Variants in SNX18 observed in about 807,000 individuals in gnomAD.
SNX18 encodes the protein sorting nexin-18.
In SNX18, 35 loss-of-function variants were observed where a neutral mutation model predicts 48.7. That is an observed-to-expected ratio of 0.72 (90% CI 0.55 to 0.95). The LOEUF is 0.95. Among genes scored for constraint, SNX18 ranks in the 40% least tolerant of loss-of-function variants. The pLI, the probability that SNX18 is intolerant of heterozygous loss-of-function variation, is 0.00. For missense variants in SNX18, 824 were observed against 871.0 expected (o/e 0.95, Z 0.68); for synonymous variants, 492 against 384.7 (o/e 1.28, Z -3.26).
At chr5:54,558,579 C>A in the SNX18 span, among the ~76,000 whole-genome samples, 1 of 152,148 alleles carries the variant, frequency 6.6e-6, no homozygotes. Context: ...CTGACTTGGG[C>A]CCTTGATGAT....
At chr5:54,562,281 T>G in the SNX18 span, among the ~76,000 whole-genome samples, 1 of 152,190 alleles carries the variant, frequency 6.6e-6, no homozygotes, top group African/African-American at 2.4e-5. Flanking sequence ...GAACCTTTTC[T>G]TAATGACGAT....
chr5:54,551,403 T>C (rs1762653792), downstream of SNX18, among the ~76,000 whole-genome samples: 1 of 152,200 alleles, frequency 6.6e-6, no homozygotes, highest in African/African-American at 2.4e-5. Context: ...CTGTGAAGCC[T>C]TCCATGAAAC....
At chr5:54,566,102 T>TG in the SNX18 span, among the ~76,000 whole-genome samples, 1 of 152,280 alleles carries the variant, frequency 6.6e-6, no homozygotes, top group African/African-American at 2.4e-5. Flanking sequence ...CAAACTCAGG[T>TG]GGTCCAATGG....
rs1761953842 is a variant in SNX18 at position 54,519,163 on chromosome 5, G to A, written c.1211G>A (p.Gly404Asp). ...AAGGCCGAGAAGGACGAGATGGTGG[G>A]CGCCAACTTCTTCCTGACCCTTAGC... Reference protein sequence around the residue: ...KRKAEKDEMVGANFFLTLSTP... With the variant: ...KRKAEKDEMVDANFFLTLSTP... Residue 404 changes from glycine (G) to aspartate (D), a missense_variant, in exon 1 of 2, where the codon GGC becomes GAC. By Grantham distance (94) the Gly-to-Asp change is moderately conservative. This residue lies in a region of SNX18 where 443 missense variants were observed against 503.6 expected (regional missense o/e 0.88). Coordinates refer to ENST00000381410, the MANE Select transcript of SNX18 (RefSeq NM_001102575.2). 6.2e-7 allele frequency: 1 copy of A among 1,613,792 alleles called. No homozygotes were observed.
the SNX18 span, among the ~76,000 whole-genome samples, chr5:54,572,733 T>TGC: frequency 4.0e-3 from 172 of 43,328 alleles, no homozygotes; most frequent in African/African-American, 0.014. Flanking sequence ...AAATTGTGTG[T>TGC]GTGTGTGTGT....
chr5:54,638,103 A>G, the SNX18 span, among the ~76,000 whole-genome samples: 2 of 152,274 alleles, frequency 1.3e-5, 1 homozygote, highest in Middle Eastern at 6.8e-3. Context: ...TTCCTTTTGG[A>G]ATTCATTCCC....
intron 1 of SNX18, among the ~76,000 whole-genome samples, chr5:54,537,146 A>G (rs1316614790): frequency 6.6e-6 from 1 of 152,246 alleles, no homozygotes; most frequent in East Asian, 1.9e-4. Context: ...CCTGGACAAC[A>G]TGGTGAAACC....
chr5:54,578,396 C>T, the SNX18 span, among the ~76,000 whole-genome samples: 8 of 152,346 alleles, frequency 5.3e-5, no homozygotes, highest in African/African-American at 9.6e-5. Flanking sequence ...TGTTTTCCCC[C>T]GTCCCCAACA....
At chr5:54,548,717 C>A (rs1396210942), downstream of SNX18, among the ~76,000 whole-genome samples, 1 of 152,158 alleles carries the variant, frequency 6.6e-6, no homozygotes, top group Non-Finnish European at 1.5e-5. Flanking sequence ...GAAGTAGATA[C>A]TTAATAAATG....
intron 1 of SNX18, among the ~76,000 whole-genome samples, chr5:54,538,146 C>T (rs1762391793): frequency 6.6e-6 from 1 of 152,182 alleles, no homozygotes; most frequent in Admixed American, 6.5e-5. Flanking sequence ...CCAGTTTGAG[C>T]AGTGTCAGAT....
At chr5:54,519,650 A>G in intron 1 of SNX18, 77 bp downstream of exon 1, 2 of 1,614,184 alleles carry the variant, frequency 1.2e-6, no homozygotes, top group South Asian at 2.2e-5. Flanking sequence ...CAGCAGTACC[A>G]CTGTGGGTTT....
the SNX18 span, among the ~76,000 whole-genome samples, chr5:54,636,700 T>C: frequency 6.6e-6 from 1 of 152,320 alleles, no homozygotes; most frequent in African/African-American, 2.4e-5. Context: ...GGAATGTTCA[T>C]CTAAACAGAA....
the SNX18 span, among the ~76,000 whole-genome samples, chr5:54,586,462 T>A: frequency 6.6e-6 from 1 of 152,122 alleles, no homozygotes; most frequent in Non-Finnish European, 1.5e-5. Flanking sequence ...AAATGTTGAT[T>A]TGACTCATGG....
chr5:54,646,586 C>T, the SNX18 span, among the ~76,000 whole-genome samples: 1 of 152,202 alleles, frequency 6.6e-6, no homozygotes, highest in Non-Finnish European at 1.5e-5. Context: ...GAAGGTATTG[C>T]CAACCATAAC....
chr5:54,543,389 C>T lies in SNX18; in HGVS notation c.1832C>T (p.Thr611Ile), dbSNP rs763817008. 16 of 1,614,116 alleles carry T rather than the reference C, an allele frequency of 9.9e-6. No individual in the cohort carries two copies. Among genetic ancestry groups the T allele is most frequent in the Non-Finnish European group, 1.3e-5 (15 of 1,180,018 alleles). Reference sequence around the variant, plus strand: ...CAAATAATATTTTTCCAAAAAGTTACCCAGAAGTTGGAAGAAGCTCTTCAC... The same window carrying T: ...CAAATAATATTTTTCCAAAAAGTTATCCAGAAGTTGGAAGAAGCTCTTCAC... Reference protein sequence around the residue: ...QQQIIFFQKVTQKLEEALHKY... With the variant: ...QQQIIFFQKVIQKLEEALHKY... The change falls in exon 2 of 2, where the codon ACC (threonine) becomes ATC (isoleucine). Residue 611 changes from threonine to isoleucine, a missense_variant. This residue lies in a region of SNX18 where 443 missense variants were observed against 503.6 expected (regional missense o/e 0.88). Transcript: ENST00000381410.
intron 1 of SNX18, among the ~76,000 whole-genome samples, chr5:54,537,775 G>A (rs1467559910): frequency 3.3e-5 from 5 of 152,146 alleles, no homozygotes; most frequent in African/African-American, 9.7e-5. Context: ...CATGAAAAAT[G>A]TGTAGTCCTT....
chr5:54,521,792 T>C (rs1266289921), intron 1 of SNX18, among the ~76,000 whole-genome samples: 1 of 152,166 alleles, frequency 6.6e-6, no homozygotes, highest in Middle Eastern at 3.2e-3. Flanking sequence ...TGTCTCTAAC[T>C]CTTGGGCTCA....
the SNX18 span, among the ~76,000 whole-genome samples, chr5:54,562,244 G>A: frequency 1.3e-5 from 2 of 152,260 alleles, no homozygotes; most frequent in East Asian, 1.9e-4. Flanking sequence ...CATGGTAGGG[G>A]GAGGTTGTGC....
chr5:54,641,088 G>A, the SNX18 span, among the ~76,000 whole-genome samples: 4,933 of 152,114 alleles, frequency 0.032, 114 homozygotes, highest in Non-Finnish European at 0.049. Context: ...TCAGGAAGGA[G>A]TATACAGAAG....
Sources: allele counts gnomAD v4.1 joint callset (sites outside exome capture counted in the v4.1 genomes callset), GRCh38; gene constraint gnomAD v4.1.1; regional missense constraint gnomAD v4.1.1; transcripts MANE v1.5; gene names NCBI Gene and HGNC (gene_info 2026-07-23, HGNC 2026-07-21).